The following WDR75 variants were observed in gnomAD, a reference collection of about 807,000 sequenced individuals.
WDR75 encodes WD repeat domain 75.
WDR75 carries 52 observed loss-of-function variants against 106.1 expected under a neutral mutation model. That is an observed-to-expected ratio of 0.49 (90% CI 0.39 to 0.62). The LOEUF is 0.62. WDR75 is among the 20% of genes least tolerant of loss of function. The pLI, the probability that WDR75 is intolerant of heterozygous loss-of-function variation, is 0.00. For missense variants in WDR75, 905 were observed against 970.3 expected (o/e 0.93, Z 0.89); for synonymous variants, 333 against 335.5 (o/e 0.99, Z 0.08).
chr2:189,470,240 T>C lies in WDR75; in HGVS notation c.1984T>C (p.Ser662Pro), dbSNP rs373791532. ...NRSQFYFLTK[S>P]QSLLTFSTKS... The stretch of plus-strand genomic sequence containing the variant: ...ATCCCAGTTTTACTTCCTAACAAAA[T>C]CACAGGTAACTGCCTCCCTCAAAAA... Residue 662 changes from serine (S) to proline (P), a missense_variant, in exon 17 of 21, where the codon TCA becomes CCA. By Grantham distance (74) the Ser-to-Pro change is moderately conservative (BLOSUM62 -1). Coordinates refer to ENST00000314761, the MANE Select transcript of WDR75 (RefSeq NM_032168.3). 5 of 1,610,376 alleles carry C rather than the reference T, an allele frequency of 3.1e-6. No homozygotes were observed. Among genetic ancestry groups the C allele is most frequent in the Non-Finnish European group, 4.2e-6 (5 of 1,178,356 alleles).
chr2:189,474,864 T>A, intron 20 of WDR75, 56 bp downstream of exon 20: 1 of 1,399,926 alleles, frequency 7.1e-7, no homozygotes, highest in East Asian at 2.3e-5. Context: ...CAGGATCGTT[T>A]GTGTTTATCC....
chr2:189,470,163 C>G lies in WDR75; in HGVS notation c.1907C>G (p.Pro636Arg), dbSNP rs1322099135. Reference protein sequence around the residue: ...REKVQWGVFVPRDVPESFTSE... With the variant: ...REKVQWGVFVRRDVPESFTSE... The stretch of plus-strand genomic sequence containing the variant: ...AAAGTCCAGTGGGGAGTGTTTGTTC[C>G]ACGAGATGTCCCTGAATCCTTCACC... Residue 636 changes from proline to arginine, a missense_variant, in exon 17 of 21, where the codon CCA becomes CGA. By Grantham distance (103) the Pro-to-Arg change is moderately radical. Transcript: ENST00000314761. The G allele has an allele frequency of 6.2e-7, 1 of 1,613,534 alleles. No individual in the cohort carries two copies. Among genetic ancestry groups the G allele is most frequent in the East Asian group, 2.2e-5 (1 of 44,868 alleles).
chr2:189,446,485 T>C lies in WDR75; in HGVS notation c.87-1894T>C, dbSNP rs147239154. ...TGTTGCTCATACATTCTTGATCTTA[T>C]ACCATTTCATACAACCATGCCTCCT... On this transcript the variant is annotated intron_variant, in intron 1 of 20. Transcript: ENST00000314761. Among the ~76,000 whole-genome samples the C allele has an allele frequency of 6.6e-5, 10 of 152,328 alleles. No individual in the cohort carries two copies. The East Asian group carries it at 1.9e-3, about 29-fold the overall frequency.
At chr2:189,473,158 A>G (rs1687149257) in intron 18 of WDR75, among the ~76,000 whole-genome samples, 2 of 152,122 alleles carry the variant, frequency 1.3e-5, no homozygotes, top group South Asian at 4.1e-4. Context: ...TGGCGGTTGC[A>G]GTGAGCCTAG....
chr2:189,470,833 C>T lies in WDR75; in HGVS notation c.2004C>T (p.Phe668=), dbSNP rs758009060. 1.3e-6 allele frequency: 2 copies of T among 1,591,734 alleles called. No individual in the cohort carries two copies. The highest frequency in any genetic ancestry group is 1.1e-5 in the South Asian group (1 of 87,572). ...FLTKSQSLLT[F]STKSPEEKLT... ...TCTCTTTTCAGAGTTTATTGACATT[C>T]AGTACAAAGTCTCCAGAAGAAAAAC... The change falls in exon 18 of 21, where the codon TTC becomes TTT. Residue 668 remains phenylalanine, a synonymous_variant. Coordinates refer to ENST00000314761, the MANE Select transcript of WDR75 (RefSeq NM_032168.3).
In WDR75 at chr2:189,448,410, A is replaced by G. The variant is rs760056802; in HGVS notation, c.118A>G (p.Lys40Glu). The G allele has an allele frequency of 1.1e-5, 18 of 1,613,584 alleles. No individual in the cohort carries two copies. Among genetic ancestry groups the G allele is most frequent in the Non-Finnish European group, 1.5e-5 (18 of 1,179,756 alleles). Reference protein sequence around the residue: ...YIFCVSGDFVKVYSTVTEECV... With the variant: ...YIFCVSGDFVEVYSTVTEECV... ...CTTCTGTGTCTCTGGAGACTTTGTTAAAGTTTACAGCACAGTTACAGAAGA... is the reference window on the plus strand; with the variant it reads ...CTTCTGTGTCTCTGGAGACTTTGTTGAAGTTTACAGCACAGTTACAGAAGA... Residue 40 changes from lysine (K) to glutamate (E), a missense_variant, in exon 2 of 21, where the codon AAA becomes GAA. By Grantham distance (56) the Lys-to-Glu change is moderately conservative. Coordinates refer to ENST00000314761, the MANE Select transcript of WDR75 (RefSeq NM_032168.3).
intron 19 of WDR75, 31 bp from the exon 20 acceptor site, chr2:189,474,686 A>G: frequency 6.3e-7 from 1 of 1,589,706 alleles, no homozygotes; most frequent in Non-Finnish European, 8.6e-7. Flanking sequence ...TAAGCTTTTT[A>G]ATTGCAACCG....
In WDR75 at chr2:189,462,510, G is replaced by A. The variant is rs1317659089; in HGVS notation, c.805G>A (p.Glu269Lys). The stretch of plus-strand genomic sequence containing the variant: ...CACCAGTCTGCTGAGTGGCGGTCGT[G>A]AATCTGTACTTGTAGAGTGGCGCGA... ...TGTSLLSGGR[E>K]SVLVEWRDAT... Residue 269 changes from glutamate (E) to lysine (K), a missense_variant, in exon 9 of 21, where the codon GAA (glutamate) becomes AAA (lysine). Glu to Lys is a moderately conservative substitution (Grantham distance 56). Transcript: ENST00000314761. 23 of 1,613,838 alleles carry A rather than the reference G, an allele frequency of 1.4e-5. No individual in the cohort carries two copies. The highest frequency in any genetic ancestry group is 1.9e-5 in the Non-Finnish European group (23 of 1,179,904).
chr2:189,462,351 G>A (rs1010163323), intron 8 of WDR75, 133 bp from the exon 9 acceptor site: 6 of 1,012,900 alleles, frequency 5.9e-6, no homozygotes, highest in African/African-American at 4.9e-5. Flanking sequence ...TAAAAGATAC[G>A]AAGACACTTT....
Position 189,474,262 on chromosome 2 carries a change from A to G in WDR75, c.2126A>G (p.Lys709Arg). Residue 709 changes from lysine (K) to arginine (R), a missense_variant, in exon 19 of 21, where the codon AAA becomes AGA. Coordinates refer to ENST00000314761, the MANE Select transcript of WDR75 (RefSeq NM_032168.3). Reference protein sequence around the residue: ...LGKHRQQQDEKLNETLENELV... With the variant: ...LGKHRQQQDERLNETLENELV... ...AAACACAGGCAACAGCAGGATGAAA[A>G]ACTAAACGAAACTTTAGAGAATGAG... 6.2e-7 allele frequency: 1 copy of G among 1,613,934 alleles called. No individual in the cohort carries two copies. Among genetic ancestry groups the G allele is most frequent in the Non-Finnish European group, 8.5e-7 (1 of 1,179,894 alleles).
intron 2 of WDR75, chr2:189,448,921 G>A: frequency 4.3e-6 from 2 of 468,942 alleles, no homozygotes; most frequent in Non-Finnish European, 8.8e-6. Context: ...TTGGCCAGGA[G>A]GTATTGATTT....
rs753041159 is a variant in WDR75, at chr2:189,448,416, T to C, written c.124T>C (p.Tyr42His). ...TGTCTCTGGAGACTTTGTTAAAGTTTACAGCACAGTTACAGAAGAGTGTGT... is the reference window on the plus strand; with the variant it reads ...TGTCTCTGGAGACTTTGTTAAAGTTCACAGCACAGTTACAGAAGAGTGTGT... The part of the protein sequence containing the change: ...FCVSGDFVKV[Y>H]STVTEECVHI... The change falls in exon 2 of 21, where the codon TAC becomes CAC. Residue 42 changes from tyrosine (Y) to histidine (H), a missense_variant. Physicochemically the swap from Tyr to His is moderately conservative, Grantham distance 83 (BLOSUM62 2). Coordinates refer to ENST00000314761, the MANE Select transcript of WDR75 (RefSeq NM_032168.3). The C allele has an allele frequency of 3.1e-6, 5 of 1,613,918 alleles. No individual in the cohort carries two copies. In the Admixed American group the frequency reaches 8.3e-5, roughly 27 times the overall value.
chr2:189,468,083 A>G (rs1233339366), intron 14 of WDR75, among the ~76,000 whole-genome samples: 1 of 152,154 alleles, frequency 6.6e-6, no homozygotes, highest in Admixed American at 6.6e-5. Flanking sequence ...GCCTAATGAG[A>G]TCGTCTCTAA....
At position 189,451,668 on chromosome 2, in the gene WDR75, T is replaced by A. The variant is rs1686624441; in HGVS notation, c.283-137T>A. On this transcript the variant is annotated intron_variant, in intron 3 of 20. Coordinates refer to ENST00000314761, the MANE Select transcript of WDR75 (RefSeq NM_032168.3). ...GTATTTAACAAATATGTATTAGTTG[T>A]CTTCTGTAGGCCAGGTACTCTCCTT... is the stretch of plus-strand genomic sequence containing the variant. 4 of 667,624 alleles carry A rather than the reference T, an allele frequency of 6.0e-6. No individual in the cohort carries two copies. In the Admixed American group the frequency reaches 1.1e-4, roughly 18 times the overall value. 41.4% of individuals were successfully genotyped at this position (667,624 alleles called of 1,614,324 possible).
chr2:189,467,303 A>C (rs368044625), intron 13 of WDR75, among the ~76,000 whole-genome samples, 165 bp from the exon 14 acceptor site: 4 of 152,124 alleles, frequency 2.6e-5, no homozygotes, highest in African/African-American at 9.7e-5. Context: ...CTCTCTTTCA[A>C]AATATCTTTT....
Position 189,455,853 on chromosome 2 carries a change from AT to A in WDR75, c.498+410del, listed in dbSNP as rs144814096. On this transcript the variant is annotated intron_variant, in intron 5 of 20. Coordinates refer to ENST00000314761, the MANE Select transcript of WDR75 (RefSeq NM_032168.3). ...AGGCTTTTTTCTTAACATTCATAAA[AT>A]AACTTTTCCCGAAAAGAATTAAGAT... 8.5e-4 allele frequency among the ~76,000 whole-genome samples: 129 copies of A among 152,340 alleles called. 3 individuals are homozygous for A. In the East Asian group the frequency reaches 0.023, roughly 28 times the overall value.
chr2:189,467,480 G>T lies in WDR75; in HGVS notation c.1460G>T (p.Gly487Val), dbSNP rs370059955. 1 of 1,598,530 alleles carries T rather than the reference G, an allele frequency of 6.3e-7. No homozygotes were observed. ...TATATTTCCACAGAAAAAGCTGTTG[G>T]CTGGACCTGTGACTTTGTTGGTAGT... ...DDSDIYKKAV[G>V]WTCDFVGSYH... Residue 487 changes from glycine (G) to valine (V), a missense_variant, in exon 14 of 21, where the codon GGC becomes GTC. Coordinates refer to ENST00000314761, the MANE Select transcript of WDR75 (RefSeq NM_032168.3).
chr2:189,442,814 A>G (rs1304453287), intron 1 of WDR75, among the ~76,000 whole-genome samples: 1 of 152,140 alleles, frequency 6.6e-6, no homozygotes, highest in East Asian at 1.9e-4. Flanking sequence ...AGCATGACTG[A>G]AAGAGCTTTT....
At chr2:189,474,941 A>T (rs964779111) in intron 20 of WDR75, 133 bp downstream of exon 20, 2 of 817,558 alleles carry the variant, frequency 2.4e-6, no homozygotes, top group African/African-American at 3.5e-5. Context: ...TTTAAAGGCT[A>T]TAGGATTATT....
Sources: allele counts gnomAD v4.1 joint callset (sites outside exome capture counted in the v4.1 genomes callset), GRCh38; gene constraint gnomAD v4.1.1; transcripts MANE v1.5; gene names NCBI Gene and HGNC (gene_info 2026-07-23, HGNC 2026-07-21).